PIEZO2: variants seen among roughly 807,000 people sequenced by gnomAD.
The protein encoded by PIEZO2 is piezo type mechanosensitive ion channel component 2, also known as piezo-type mechanosensitive ion channel component 2.
A neutral mutation model predicts 337.3 loss-of-function variants in PIEZO2; 172 were observed. The observed-to-expected ratio is 0.51, with a 90% CI of 0.45 to 0.58. The LOEUF is 0.58. Among genes scored for constraint, PIEZO2 ranks in the 20% least tolerant of loss-of-function variants. The pLI is 0.00. For synonymous variants in PIEZO2, 1,251 were observed against 1,228.5 expected (o/e 1.02, Z -0.38); for missense variants, 3,028 against 3,391.3 (o/e 0.89, Z 2.66).
At position 11,097,525 on chromosome 18, in the gene PIEZO2, G is replaced by A. The variant is rs1355507024; in HGVS notation, c.65-31303C>T. On this transcript the variant is annotated intron_variant, in intron 1 of 55. Transcript: ENST00000674853. This position sits in a 1 kb window ranked among gnomAD's most constrained non-coding sequence, Gnocchi z 5.0. ...GAGCCCTCTGACCAGAAAACACAGG[G>A]CCTGGCCATAACTGCTTCACAGTTT... Among the ~76,000 whole-genome samples, 1 of 152,150 alleles carries A rather than the reference G, an allele frequency of 6.6e-6. No individual in the cohort carries two copies. The highest frequency in any genetic ancestry group is 1.5e-5 in the Non-Finnish European group (1 of 68,036).
intron 3 of PIEZO2, among the ~76,000 whole-genome samples, chr18:10,925,111 A>G (rs2031649937): frequency 6.6e-6 from 1 of 152,218 alleles, no homozygotes; most frequent in Admixed American, 6.5e-5. Flanking sequence ...TTTTAATACA[A>G]TTGATAAAAA....
Position 11,037,111 on chromosome 18 carries a change from C to G in PIEZO2, c.160+29016G>C, listed in dbSNP as rs186327418. Among the ~76,000 whole-genome samples the G allele has an allele frequency of 7.7e-3, 1,174 of 152,220 alleles. 59 individuals carry two copies. The highest frequency in any genetic ancestry group is 0.074 in the Admixed American group (1,126 of 15,292). On this transcript the variant is annotated intron_variant, in intron 2 of 55. Coordinates refer to ENST00000674853, the MANE Select transcript of PIEZO2 (RefSeq NM_001378183.1). Reference sequence around the variant, plus strand: ...TCCTGAGTAGCTGGGATTACAGACACCCACCACTGCACCTGGCTAATTTTT... The same window carrying G: ...TCCTGAGTAGCTGGGATTACAGACAGCCACCACTGCACCTGGCTAATTTTT...
At chr18:10,918,462 T>C (rs1442549462) in intron 3 of PIEZO2, among the ~76,000 whole-genome samples, 2 of 152,098 alleles carry the variant, frequency 1.3e-5, no homozygotes, top group African/African-American at 4.8e-5. Context: ...CATGTATCCT[T>C]TATCAGTTCT....
In PIEZO2 at chr18:10,921,486, T is replaced by C. The variant is rs192286786; in HGVS notation, c.287-10258A>G. ...ACACTTATCACTTCCCCAGTAAATA[T>C]CCTTGTGGTTTCCTATGCCTGTCTT... On this transcript the variant is annotated intron_variant, in intron 3 of 55. Transcript: ENST00000674853. Among the ~76,000 whole-genome samples, 493 of 152,284 alleles carry C rather than the reference T, an allele frequency of 3.2e-3. 1 individual carries two copies. Among genetic ancestry groups the C allele is most frequent in the African/African-American group, 9.8e-3 (409 of 41,578 alleles).
rs1374403939 is a variant in PIEZO2, at chr18:10,673,138, C to A, written c.8162-265G>T. Among the ~76,000 whole-genome samples, 1 of 152,144 alleles carries A rather than the reference C, an allele frequency of 6.6e-6. No homozygotes were observed. Among genetic ancestry groups the A allele is most frequent in the Non-Finnish European group, 1.5e-5 (1 of 68,018 alleles). On this transcript the variant is annotated intron_variant, in intron 54 of 55. Transcript: ENST00000674853. The surrounding 1 kb of genome is among the most constrained non-coding windows in gnomAD (Gnocchi z 4.8). ...AAACCACAGGGCAAAAGTAGAGGAT[C>A]CACCACCTGAGCAGCTGAGCTGATA...
At chr18:11,134,222 C>G (rs527771970) in intron 1 of PIEZO2, among the ~76,000 whole-genome samples, 2 of 152,336 alleles carry the variant, frequency 1.3e-5, no homozygotes, top group Non-Finnish European at 2.9e-5. Flanking sequence ...GTGTGACTTA[C>G]TTTAACTCCC....
chr18:10,857,368 T>C (rs182750273), intron 5 of PIEZO2, among the ~76,000 whole-genome samples, 157 bp from the exon 6 acceptor site: 264 of 152,250 alleles, frequency 1.7e-3, no homozygotes, highest in Non-Finnish European at 3.0e-3. Flanking sequence ...AGGTCTCTGA[T>C]AATCCCCGTA....
chr18:10,906,613 T>C (rs1598663035), intron 4 of PIEZO2, among the ~76,000 whole-genome samples: 1 of 151,734 alleles, frequency 6.6e-6, no homozygotes, highest in South Asian at 2.1e-4. Flanking sequence ...CAGGCTGGAG[T>C]GCAGAGGGGC....
chr18:10,784,748 G>A lies in PIEZO2; in HGVS notation c.2492+36C>T. ...GGTAGGGTTGAAGAGCTGCCTTCCT[G>A]CTAATAAGAGGTCTGTGTTTCTTCC... is the stretch of plus-strand genomic sequence containing the variant. On this transcript the variant is annotated intron_variant, in intron 17 of 55. Coordinates refer to ENST00000674853, the MANE Select transcript of PIEZO2 (RefSeq NM_001378183.1). The surrounding 1 kb of genome is among the most constrained non-coding windows in gnomAD (Gnocchi z 4.5). 6.8e-7 allele frequency: 1 copy of A among 1,477,028 alleles called. No homozygotes were observed. 91.5% of individuals were successfully genotyped at this position (1,477,028 alleles called of 1,614,324 possible).
At chr18:10,935,945 GA>G (rs1195477707) in intron 3 of PIEZO2, among the ~76,000 whole-genome samples, 3 of 152,350 alleles carry the variant, frequency 2.0e-5, no homozygotes, top group Non-Finnish European at 1.5e-5. Flanking sequence ...TTTGAAGAAA[GA>G]TGTGATAGTG....
At chr18:11,114,994 A>G (rs2039845743) in intron 1 of PIEZO2, among the ~76,000 whole-genome samples, 1 of 152,240 alleles carries the variant, frequency 6.6e-6, no homozygotes, top group South Asian at 2.1e-4. Context: ...AAGTAAGGAC[A>G]ATGTGAACAT....
At chr18:10,986,909 T>C (rs1009163375) in intron 2 of PIEZO2, among the ~76,000 whole-genome samples, 7 of 152,040 alleles carry the variant, frequency 4.6e-5, no homozygotes, top group Admixed American at 3.9e-4. Flanking sequence ...ACTGTGTTTC[T>C]ATACACTGAC....
chr18:11,056,500 A>C (rs1422672614), intron 2 of PIEZO2, among the ~76,000 whole-genome samples: 1 of 152,230 alleles, frequency 6.6e-6, no homozygotes, highest in Non-Finnish European at 1.5e-5. Flanking sequence ...TCAAGTGTGT[A>C]ATTATCTCAG....
intron 3 of PIEZO2, among the ~76,000 whole-genome samples, chr18:10,934,636 CGTGTGTGTGTGTGT>C (rs59190236): frequency 2.0e-4 from 26 of 130,824 alleles, no homozygotes; most frequent in African/African-American, 4.4e-4. Flanking sequence ...ATTGTGTGTA[CGTGTGTGTGTGTGT>C]GTGTGTGTGT....
intron 10 of PIEZO2, 144 bp downstream of exon 10, chr18:10,801,246 T>A: frequency 1.7e-6 from 1 of 602,744 alleles, no homozygotes; most frequent in Non-Finnish European, 2.8e-6. Context: ...AACAGCAATC[T>A]ACCAGATATA....
Position 10,833,354 on chromosome 18 carries a change from G to A in PIEZO2, c.917+21999C>T, listed in dbSNP as rs971200993. On this transcript the variant is annotated intron_variant, in intron 7 of 55. Transcript: ENST00000674853. This position sits in a 1 kb window ranked among gnomAD's most constrained non-coding sequence, Gnocchi z 4.7. Reference sequence around the variant, plus strand: ...TTCTTCTGGTACTTCGGAGCCCACTGTGACACCTGCAGCCTCGCCCTCTCC... The same window carrying A: ...TTCTTCTGGTACTTCGGAGCCCACTATGACACCTGCAGCCTCGCCCTCTCC... Among the ~76,000 whole-genome samples, 1 of 152,146 alleles carries A rather than the reference G, an allele frequency of 6.6e-6. No individual in the cohort carries two copies. Among genetic ancestry groups the A allele is most frequent in the Admixed American group, 6.5e-5 (1 of 15,270 alleles).
In PIEZO2 at chr18:10,906,181, A is replaced by C. The variant is rs1487197919; in HGVS notation, c.329+5005T>G. On this transcript the variant is annotated intron_variant, in intron 4 of 55. Coordinates refer to ENST00000674853, the MANE Select transcript of PIEZO2 (RefSeq NM_001378183.1). Reference sequence around the variant, plus strand: ...TATCTCATTGCAGAAGGCTATTTTCAGGGTGATTTCTATTTTAAAATGTTC... The same window carrying C: ...TATCTCATTGCAGAAGGCTATTTTCCGGGTGATTTCTATTTTAAAATGTTC... Among the ~76,000 whole-genome samples the C allele has an allele frequency of 2.6e-5, 4 of 152,206 alleles. No individual in the cohort carries two copies. The East Asian group carries it at 7.7e-4, about 29-fold the overall frequency.
At chr18:11,023,854 G>A (rs2145725404) in intron 2 of PIEZO2, among the ~76,000 whole-genome samples, 1 of 152,310 alleles carries the variant, frequency 6.6e-6, no homozygotes, top group East Asian at 1.9e-4. Flanking sequence ...GGCACTGCTG[G>A]GGGACCCAGT....
intron 4 of PIEZO2, chr18:10,893,647 T>A (rs1192952010): frequency 6.6e-6 from 1 of 152,190 alleles, no homozygotes; most frequent in Non-Finnish European, 1.5e-5. Flanking sequence ...ACTTCATCAT[T>A]CATGCTCATC....
Sources: allele counts gnomAD v4.1 joint callset (sites outside exome capture counted in the v4.1 genomes callset), GRCh38; gene constraint gnomAD v4.1.1; non-coding constraint Gnocchi (gnomAD v3.1); transcripts MANE v1.5; gene names NCBI Gene and HGNC (gene_info 2026-07-23, HGNC 2026-07-21).